Variants in ZNF317 observed in about 807,000 individuals in gnomAD.
ZNF317 encodes KRAB-containing zinc finger protein 317.
A neutral mutation model predicts 23.4 loss-of-function variants in ZNF317; 17 were observed. The ratio of observed to expected loss-of-function variants is 0.73; its 90% CI spans 0.50 to 1.09. The LOEUF (loss-of-function observed/expected upper bound fraction) is 1.09. Ranked by LOEUF, ZNF317 falls within the 50% of genes least tolerant of loss-of-function variation. The probability of loss-of-function intolerance (pLI) is 0.00; values close to 1 mark genes in which losing one functional copy is unlikely to be tolerated. For synonymous variants in ZNF317, 317 were observed against 314.9 expected (o/e 1.01, Z -0.07); for missense variants, 679 against 796.7 (o/e 0.85, Z 1.78).
intron 4 of ZNF317, chr19:9,157,770 AGCCACCAT>A: frequency 7.6e-7 from 1 of 1,317,302 alleles, no homozygotes; most frequent in Non-Finnish European, 9.7e-7. Context: ...TACAGGCACG[AGCCACCAT>A]GCTTTGCCTG....
At chr19:9,147,051 G>A (rs559138660) in intron 1 of ZNF317, among the ~76,000 whole-genome samples, 7 of 152,210 alleles carry the variant, frequency 4.6e-5, no homozygotes, top group South Asian at 4.2e-4. Context: ...GGAGCCACTC[G>A]CTCTGAGCCA....
chr19:9,157,273 G>T lies in ZNF317; in HGVS notation c.168G>T (p.Ser56=), dbSNP rs202207547. Residue 56 remains serine, a synonymous_variant, in exon 4 of 7, where the codon TCG becomes TCT. Transcript: ENST00000247956. ...PHTPSVGSQE[S]VTFQDVAVDF... Reference sequence around the variant, plus strand: ...AAGTTTGTGTGGCGTTCCAGGAATCGGTGACTTTCCAAGATGTCGCTGTGG... The same window carrying T: ...AAGTTTGTGTGGCGTTCCAGGAATCTGTGACTTTCCAAGATGTCGCTGTGG... 20 of 1,613,434 alleles carry T rather than the reference G, an allele frequency of 1.2e-5. No homozygotes were observed. Among genetic ancestry groups the T allele is most frequent in the Non-Finnish European group, 1.6e-5 (19 of 1,179,750 alleles).
chr19:9,154,622 G>A (rs1461002996), intron 1 of ZNF317, among the ~76,000 whole-genome samples: 1 of 152,124 alleles, frequency 6.6e-6, no homozygotes, highest in Non-Finnish European at 1.5e-5. Flanking sequence ...TTCTCTGGTT[G>A]ATAGATGTTT....
intron 1 of ZNF317, among the ~76,000 whole-genome samples, chr19:9,142,544 A>ATT (rs35609929): frequency 0.16 from 20,882 of 133,422 alleles, 1,662 homozygotes; most frequent in Admixed American, 0.18. Flanking sequence ...TTAACAAGTG[A>ATT]TTTTTTTTTT....
chr19:9,157,468 A>G (rs2145956763), intron 4 of ZNF317, 74 bp downstream of exon 4: 1 of 1,587,346 alleles, frequency 6.3e-7, no homozygotes, highest in African/African-American at 1.3e-5. Context: ...TCTGTGACCC[A>G]GGAACTATGC....
At chr19:9,149,342 C>T (rs552670035) in intron 1 of ZNF317, among the ~76,000 whole-genome samples, 5 of 152,094 alleles carry the variant, frequency 3.3e-5, no homozygotes, top group African/African-American at 1.2e-4. Flanking sequence ...GACACAGTGG[C>T]ACACCTATAG....
At position 9,157,698 on chromosome 19, in the gene ZNF317, T is replaced by A. The variant is rs8110496; in HGVS notation, c.290-282T>A. The A allele has an allele frequency of 1.0e-2, 4,342 of 435,590 alleles. 172 individuals carry two copies. In the African/African-American group the frequency reaches 0.16, roughly 16 times the overall value. The allele number at this position is 435,590 out of a possible 1,614,324, so 27.0% of individuals were successfully genotyped here. The stretch of plus-strand genomic sequence containing the variant: ...TCCTATTTCTTTTTTTTTTTTTTTT[T>A]TTTTATTTTTGGTGATGAAGGGTTC... On this transcript the variant is annotated intron_variant, in intron 4 of 6. Coordinates refer to ENST00000247956, the MANE Select transcript of ZNF317 (RefSeq NM_020933.5).
intron 1 of ZNF317, among the ~76,000 whole-genome samples, chr19:9,140,883 G>A (rs2050622912): frequency 6.6e-6 from 1 of 152,098 alleles, no homozygotes; most frequent in Admixed American, 6.6e-5. Context: ...AAGAGTTTGG[G>A]GGCAGTTCAG....
In ZNF317 at chr19:9,163,157, G is replaced by C. The variant is rs1184609699; in HGVS notation, c.*1724G>C. 1.3e-5 allele frequency: 2 copies of C among 152,152 alleles called. No individual in the cohort carries two copies. Among genetic ancestry groups the C allele is most frequent in the African/African-American group, 4.8e-5 (2 of 41,426 alleles). 9.4% of individuals were successfully genotyped at this position (152,152 alleles called of 1,614,324 possible). A position where few individuals can be genotyped will look rare whatever the true frequency, so the allele number is the denominator to read the frequency against. On this transcript the variant is annotated 3_prime_UTR_variant, in exon 7 of 7. Coordinates refer to ENST00000247956, the MANE Select transcript of ZNF317 (RefSeq NM_020933.5). Reference sequence around the variant, plus strand: ...CTGAGAAAGCTCTTGAATGGGGATCGTTCTTAAACATGAATTCCTCCCTGT... The same window carrying C: ...CTGAGAAAGCTCTTGAATGGGGATCCTTCTTAAACATGAATTCCTCCCTGT...
At chr19:9,158,363 C>CTTTTTTTTTTTTTTTT in intron 5 of ZNF317, among the ~76,000 whole-genome samples, 1,035 of 76,542 alleles carry the variant, frequency 0.014, 210 homozygotes, top group Non-Finnish European at 0.016. Context: ...TTTCTTTTTT[C>CTTTTTTTTTTTTTTTT]TTTTTTTTTT....
In ZNF317 at chr19:9,156,481, G is replaced by A. The variant is rs1600228651; in HGVS notation, c.26-131G>A. 3.3e-6 allele frequency: 4 copies of A among 1,215,144 alleles called. No homozygotes were observed. The South Asian group carries it at 4.4e-5, about 13-fold the overall frequency. The allele number at this position is 1,215,144 out of a possible 1,614,324, so 75.3% of individuals were successfully genotyped here. On this transcript the variant is annotated intron_variant, in intron 2 of 6. Coordinates refer to ENST00000247956, the MANE Select transcript of ZNF317 (RefSeq NM_020933.5). ...AACTGATGTGTGCAAGAGAGGTGGG[G>A]GGAGGAAGAGAGAGAGAGGATTGAG...
chr19:9,157,687 T>C (rs879593221), intron 4 of ZNF317: 4 of 444,496 alleles, frequency 9.0e-6, no homozygotes, highest in East Asian at 5.7e-5. Flanking sequence ...ATTTCTTTTT[T>C]TTTTTTTTTT....
At chr19:9,142,962 C>T (rs539609230) in intron 1 of ZNF317, among the ~76,000 whole-genome samples, 3 of 152,258 alleles carry the variant, frequency 2.0e-5, no homozygotes, top group African/African-American at 7.2e-5. Flanking sequence ...GAATGTTTTG[C>T]ATAAGAATAG....
chr19:9,145,257 C>T (rs2050672882), intron 1 of ZNF317, among the ~76,000 whole-genome samples: 1 of 152,098 alleles, frequency 6.6e-6, no homozygotes, highest in African/African-American at 2.4e-5. Flanking sequence ...GTTGGCCAGG[C>T]AGCGGTTTTA....
chr19:9,156,626 G>A lies in ZNF317; in HGVS notation c.40G>A (p.Asp14Asn), dbSNP rs146074496. 8.7e-4 allele frequency: 1,410 copies of A among 1,614,034 alleles called. 26 individuals carry two copies. In the Admixed American group the frequency reaches 0.021, roughly 25 times the overall value. The change falls in exon 3 of 7, where the codon GAT (aspartate) becomes AAT (asparagine). Residue 14 changes from aspartate (D) to asparagine (N), a missense_variant. Coordinates refer to ENST00000247956, the MANE Select transcript of ZNF317 (RefSeq NM_020933.5). Reference protein sequence around the residue: ...LSPTFATSTQDSTCLQDSEFP... With the variant: ...LSPTFATSTQNSTCLQDSEFP... Reference sequence around the variant, plus strand: ...TTCTCCTCCAGCCACGTCCACCCAGGATTCCACCTGTCTCCAGGACTCAGA... The same window carrying A: ...TTCTCCTCCAGCCACGTCCACCCAGAATTCCACCTGTCTCCAGGACTCAGA...
At chr19:9,151,061 G>A (rs1010810746) in intron 1 of ZNF317, among the ~76,000 whole-genome samples, 4 of 152,180 alleles carry the variant, frequency 2.6e-5, no homozygotes, top group Admixed American at 2.6e-4. Context: ...ATTAATGTTG[G>A]TGGGGAAAGG....
At chr19:9,151,732 CT>C (rs1328234879) in intron 1 of ZNF317, among the ~76,000 whole-genome samples, 1 of 152,074 alleles carries the variant, frequency 6.6e-6, no homozygotes, top group Non-Finnish European at 1.5e-5. Flanking sequence ...CTCCTGCCCA[CT>C]TTTTTACTGG....
chr19:9,146,416 A>T (rs2050683556), intron 1 of ZNF317, among the ~76,000 whole-genome samples: 1 of 146,680 alleles, frequency 6.8e-6, no homozygotes. Flanking sequence ...TATATTATTT[A>T]TATACTTTTT....
intron 1 of ZNF317, among the ~76,000 whole-genome samples, chr19:9,153,516 A>G (rs1182159862): frequency 6.6e-6 from 1 of 152,134 alleles, no homozygotes; most frequent in African/African-American, 2.4e-5. Context: ...AGGCAAAGGG[A>G]ATAAGATCTC....
Sources: gnomAD v4.1 joint callset for allele counts (sites outside exome capture counted in the v4.1 genomes callset) on GRCh38, gnomAD v4.1.1 for gene constraint, MANE v1.5 for transcripts, NCBI Gene and HGNC (gene_info 2026-07-23, HGNC 2026-07-21) for gene names.